Variants in GNAZ observed in about 807,000 individuals in gnomAD.
GNAZ encodes G protein subunit alpha z, also known as guanine nucleotide-binding protein G(z) subunit alpha.
In GNAZ, 3 loss-of-function variants were observed where a neutral mutation model predicts 25.4. The ratio of observed to expected loss-of-function variants is 0.12; its 90% confidence interval spans 0.05 to 0.30. GNAZ has a LOEUF of 0.30. Ranked by LOEUF, GNAZ falls within the 10% of genes least tolerant of loss-of-function variation. The pLI is 1.00. For missense variants in GNAZ, 241 were observed against 501.8 expected (o/e 0.48, Z 4.97); for synonymous variants, 211 against 205.7 (o/e 1.03, Z -0.22).
At chr22:23,079,871 C>T (rs556989215) in intron 1 of GNAZ, among the ~76,000 whole-genome samples, 1 of 152,300 alleles carries the variant, frequency 6.6e-6, no homozygotes, top group African/African-American at 2.4e-5. Flanking sequence ...ATGTAGTGGA[C>T]ACCACTCATG....
At chr22:23,103,818 G>T (rs767775773) in intron 2 of GNAZ, among the ~76,000 whole-genome samples, 4 of 152,150 alleles carry the variant, frequency 2.6e-5, no homozygotes, top group Non-Finnish European at 4.4e-5. Flanking sequence ...GTCAGCTGGG[G>T]ATGGCATCAA....
At chr22:23,115,589 G>C (rs1327923716) in intron 2 of GNAZ, among the ~76,000 whole-genome samples, 1 of 152,120 alleles carries the variant, frequency 6.6e-6, no homozygotes, top group Non-Finnish European at 1.5e-5. Context: ...GGAAGGTGGG[G>C]TGACCCTGCA....
At chr22:23,107,809 C>T (rs529331287) in intron 2 of GNAZ, among the ~76,000 whole-genome samples, 15 of 152,294 alleles carry the variant, frequency 9.8e-5, no homozygotes, top group Non-Finnish European at 1.3e-4. Flanking sequence ...GTTTTAAAGC[C>T]GGAAGAGCAC....
intron 2 of GNAZ, among the ~76,000 whole-genome samples, chr22:23,109,679 C>T (rs1425697264): frequency 6.6e-6 from 1 of 152,206 alleles, no homozygotes; most frequent in African/African-American, 2.4e-5. Flanking sequence ...GAGCCTGTCT[C>T]CCTCAGCATC....
At chr22:23,090,146 A>T (rs1351434042) in intron 1 of GNAZ, among the ~76,000 whole-genome samples, 1 of 152,164 alleles carries the variant, frequency 6.6e-6, no homozygotes, top group African/African-American at 2.4e-5. Context: ...AGCCCTGGCC[A>T]TAAGCACAGC....
rs935904186 is a variant in GNAZ, at chr22:23,071,942, G to A, written c.-450+1372G>A. ...CGGGAAAGGCCGGTGGGGGCTGCAC[G>A]GGGCTGAGGGAGCTGGGAAGTGGAA... On this transcript the variant is annotated intron_variant, in intron 1 of 2. Coordinates refer to ENST00000615612, the MANE Select transcript of GNAZ (RefSeq NM_002073.4). This position sits in a 1 kb window ranked among gnomAD's most constrained non-coding sequence, Gnocchi z 4.1. Among the ~76,000 whole-genome samples, 4 of 152,246 alleles carry A rather than the reference G, an allele frequency of 2.6e-5. No homozygotes were observed. In the South Asian group the frequency reaches 6.2e-4, roughly 24 times the overall value.
chr22:23,117,837 T>A (rs2069895590), intron 2 of GNAZ, among the ~76,000 whole-genome samples: 1 of 152,186 alleles, frequency 6.6e-6, no homozygotes, highest in Admixed American at 6.5e-5. Flanking sequence ...CCCCTTTGTG[T>A]CACCAGGAGA....
chr22:23,074,620 G>A (rs920146457), intron 1 of GNAZ, among the ~76,000 whole-genome samples: 2 of 152,198 alleles, frequency 1.3e-5, no homozygotes, highest in African/African-American at 4.8e-5. Flanking sequence ...AGGGATCAAG[G>A]GTAGGTAGGA....
chr22:23,097,842 C>A (rs1168264190), intron 2 of GNAZ, among the ~76,000 whole-genome samples: 3 of 152,234 alleles, frequency 2.0e-5, no homozygotes, highest in African/African-American at 7.2e-5. Flanking sequence ...GGTGGGTCTG[C>A]CAGTCACACG....
Position 23,123,496 on chromosome 22 carries a change from C to A in GNAZ, c.*65C>A, listed in dbSNP as rs2070090492. 9.7e-7 allele frequency: 1 copy of A among 1,030,220 alleles called. No individual in the cohort carries two copies. Among genetic ancestry groups the A allele is most frequent in the Admixed American group, 2.2e-5 (1 of 44,742 alleles). The allele number at this position is 1,030,220 out of a possible 1,614,324, so 63.8% of individuals were successfully genotyped here. On this transcript the variant is annotated 3_prime_UTR_variant, in exon 3 of 3. Coordinates refer to ENST00000615612, the MANE Select transcript of GNAZ (RefSeq NM_002073.4). ...ACGGGGTGTCATGCCCCAACGCGTG[C>A]TAGAGAGGCCCAATCCAGGGGCAGA...
At chr22:23,075,033 A>G (rs1007677650) in intron 1 of GNAZ, among the ~76,000 whole-genome samples, 8 of 152,218 alleles carry the variant, frequency 5.3e-5, no homozygotes, top group Non-Finnish European at 1.2e-4. Context: ...TGCATTCCAG[A>G]ACAGCAACAG....
In GNAZ at chr22:23,074,903, G is replaced by C. The variant is rs567604186; in HGVS notation, c.-450+4333G>C. Among the ~76,000 whole-genome samples the C allele has an allele frequency of 1.1e-3, 163 of 152,226 alleles. 1 individual carries two copies. The highest frequency in any genetic ancestry group is 3.7e-3 in the African/African-American group (154 of 41,540). The stretch of plus-strand genomic sequence containing the variant: ...ATTATTAAGGGCCTGACATGATGGC[G>C]CACACCTGTAATCCTATACTATGGG... On this transcript the variant is annotated intron_variant, in intron 1 of 2. Coordinates refer to ENST00000615612, the MANE Select transcript of GNAZ (RefSeq NM_002073.4).
At chr22:23,081,321 A>T (rs1288679012) in intron 1 of GNAZ, among the ~76,000 whole-genome samples, 2 of 152,200 alleles carry the variant, frequency 1.3e-5, no homozygotes, top group Non-Finnish European at 2.9e-5. Flanking sequence ...CTGATTTAGG[A>T]AGAGTTTGTG....
Position 23,078,025 on chromosome 22 carries a change from G to A in GNAZ, c.-450+7455G>A, listed in dbSNP as rs1176643285. Among the ~76,000 whole-genome samples, 3 of 152,274 alleles carry A rather than the reference G, an allele frequency of 2.0e-5. No homozygotes were observed. In the East Asian group the frequency reaches 5.8e-4, roughly 29 times the overall value. On this transcript the variant is annotated intron_variant, in intron 1 of 2. Transcript: ENST00000615612. ...CTGGCCTTAGCTGCCCCAGCTGCAT[G>A]TGGCCTCAGGCCAGCCCCACCCAGC...
At position 23,095,336 on chromosome 22, in the gene GNAZ, C is replaced by T; in HGVS notation, c.-360C>T. The T allele has an allele frequency of 3.7e-6, 1 of 271,306 alleles. No individual in the cohort carries two copies. The highest frequency in any genetic ancestry group is 7.1e-6 in the Non-Finnish European group (1 of 140,768). 16.8% of individuals were successfully genotyped at this position (271,306 alleles called of 1,614,324 possible). A position where few individuals can be genotyped will look rare whatever the true frequency, so the allele number is the denominator to read the frequency against. ...GCCCTCCAACCCTCCAGCCACTCAG[C>T]AACATCGCCACAGCAACCAGCAACC... On this transcript the variant is annotated 5_prime_UTR_variant, in exon 2 of 3. Transcript: ENST00000615612.
intron 2 of GNAZ, among the ~76,000 whole-genome samples, chr22:23,105,709 A>G (rs1333841773): frequency 6.6e-6 from 1 of 152,226 alleles, no homozygotes; most frequent in Non-Finnish European, 1.5e-5. Flanking sequence ...ACAGCTTCCA[A>G]TCTACAACAC....
chr22:23,091,465 C>G (rs565708162), intron 1 of GNAZ, among the ~76,000 whole-genome samples: 122 of 151,900 alleles, frequency 8.0e-4, no homozygotes, highest in African/African-American at 2.4e-3. Flanking sequence ...TGCATACACA[C>G]ACACACCGCA....
intron 1 of GNAZ, among the ~76,000 whole-genome samples, chr22:23,086,546 T>C (rs2068825435): frequency 6.6e-6 from 1 of 152,108 alleles, no homozygotes; most frequent in Non-Finnish European, 1.5e-5. Flanking sequence ...CACACTATAG[T>C]TGAGGAAAGC....
At chr22:23,108,011 C>T (rs945876337) in intron 2 of GNAZ, among the ~76,000 whole-genome samples, 1 of 152,220 alleles carries the variant, frequency 6.6e-6, no homozygotes. Flanking sequence ...CCCAGCCACA[C>T]CCTAGGCATC....
Sources: gnomAD v4.1 joint callset for allele counts (sites outside exome capture counted in the v4.1 genomes callset) on GRCh38, gnomAD v4.1.1 for gene constraint, Gnocchi (gnomAD v3.1) non-coding constraint, MANE v1.5 for transcripts, NCBI Gene and HGNC (gene_info 2026-07-23, HGNC 2026-07-21) for gene names.